Variants in TOX observed in about 807,000 individuals in gnomAD.
The protein encoded by TOX is thymocyte selection-associated high mobility group box protein TOX.
TOX carries 11 observed loss-of-function variants against 53.7 expected under a neutral mutation model. The observed-to-expected ratio is 0.20, with a 90% CI of 0.13 to 0.34. The LOEUF (loss-of-function observed/expected upper bound fraction) is 0.34, where lower values mean the gene tolerates loss of function less well. Among genes scored for constraint, TOX ranks in the 10% least tolerant of loss-of-function variants. The pLI, the probability that TOX is intolerant of heterozygous loss-of-function variation, is 1.00. For synonymous variants in TOX, 225 were observed against 245.3 expected, an observed-to-expected ratio of 0.92 and a Z score of 0.77; for missense variants, 570 against 664.6, an observed-to-expected ratio of 0.86 and a Z score of 1.56.
At chr8:58,911,953 C>T (rs770399558) in intron 3 of TOX, among the ~76,000 whole-genome samples, 2 of 152,166 alleles carry the variant, frequency 1.3e-5, no homozygotes, top group Non-Finnish European at 2.9e-5. Flanking sequence ...CTGCCTACCT[C>T]GGCCTCCCAA....
At chr8:58,973,759 C>G (rs924731628) in intron 1 of TOX, among the ~76,000 whole-genome samples, 1 of 151,720 alleles carries the variant, frequency 6.6e-6, no homozygotes, top group Non-Finnish European at 1.5e-5. Context: ...CTAATTATCA[C>G]GAGGGATACA....
intron 3 of TOX, among the ~76,000 whole-genome samples, chr8:58,886,292 T>C (rs941534797): frequency 6.6e-6 from 1 of 152,146 alleles, no homozygotes; most frequent in African/African-American, 2.4e-5. Context: ...TAAGGAAAGC[T>C]ACAATAGACA....
rs761879001 is a variant in TOX at position 59,119,029 on chromosome 8, T to A, written c.-42A>T. The A allele has an allele frequency of 1.0e-4, 147 of 1,431,804 alleles. No individual in the cohort carries two copies. Among genetic ancestry groups the A allele is most frequent in the Middle Eastern group, 3.5e-4 (2 of 5,718 alleles). The allele number at this position is 1,431,804 out of a possible 1,614,324, so 88.7% of individuals were successfully genotyped here. A position where few individuals can be genotyped will look rare whatever the true frequency, so the allele number is the denominator to read the frequency against. On this transcript the variant is annotated 5_prime_UTR_variant, in exon 1 of 9. Coordinates refer to ENST00000361421, the MANE Select transcript of TOX (RefSeq NM_014729.3). ...GCAACTCCTTTTCTTTTTCCTTTTT[T>A]AAAAAAAAGTGTTCAGCAAAACAAG...
intron 7 of TOX, 54 bp from the exon 8 acceptor site, chr8:58,808,323 A>T: frequency 1.3e-6 from 2 of 1,560,666 alleles, no homozygotes; most frequent in South Asian, 2.4e-5. Flanking sequence ...TTAAGAAGAA[A>T]AGCACCTAAA....
rs530305201 is a variant in TOX, at chr8:59,035,618, A to G, written c.103-75610T>C. Among the ~76,000 whole-genome samples the G allele has an allele frequency of 1.1e-4, 17 of 152,372 alleles. 1 individual carries two copies. In the South Asian group the frequency reaches 3.5e-3, roughly 32 times the overall value. The stretch of plus-strand genomic sequence containing the variant: ...ATCTAATCTCTCAGAGCCTATAAAT[A>G]ACCACTCAATTTTTTTTATCAGTTA... On this transcript the variant is annotated intron_variant, in intron 1 of 8. Coordinates refer to ENST00000361421, the MANE Select transcript of TOX (RefSeq NM_014729.3).
At chr8:59,036,569 A>T (rs185220619) in intron 1 of TOX, among the ~76,000 whole-genome samples, 3 of 152,326 alleles carry the variant, frequency 2.0e-5, no homozygotes, top group Admixed American at 2.0e-4. Context: ...CCTCTACCCA[A>T]CAGTTAATCT....
At chr8:59,025,732 TC>T (rs1179331675) in intron 1 of TOX, among the ~76,000 whole-genome samples, 5 of 152,076 alleles carry the variant, frequency 3.3e-5, no homozygotes, top group Non-Finnish European at 5.9e-5. Flanking sequence ...AGCTCCTGTT[TC>T]CCCAGGCAGA....
chr8:58,882,121 A>G (rs1811393893), intron 3 of TOX, among the ~76,000 whole-genome samples: 1 of 152,234 alleles, frequency 6.6e-6, no homozygotes, highest in Non-Finnish European at 1.5e-5. Flanking sequence ...ACTGCAGTGC[A>G]TGTCTGGTGA....
At chr8:58,961,616 C>T (rs989167862) in intron 1 of TOX, among the ~76,000 whole-genome samples, 35 of 152,088 alleles carry the variant, frequency 2.3e-4, no homozygotes, top group Admixed American at 1.3e-3. Context: ...CAATCTCCGC[C>T]TCCCAGGTTC....
chr8:58,882,066 T>G (rs1160113241), intron 3 of TOX, among the ~76,000 whole-genome samples: 1 of 152,214 alleles, frequency 6.6e-6, no homozygotes, highest in Non-Finnish European at 1.5e-5. Context: ...ATTGTGCAAT[T>G]GTGACTAAAA....
chr8:58,848,314 G>GA (rs963278146), intron 4 of TOX, among the ~76,000 whole-genome samples: 4 of 150,914 alleles, frequency 2.7e-5, no homozygotes, highest in African/African-American at 9.7e-5. Context: ...AGAAGATGAG[G>GA]AAAAAAAAGA....
chr8:58,838,078 T>C lies in TOX; in HGVS notation c.924+3A>G, dbSNP rs780616043. The C allele has an allele frequency of 2.1e-5, 34 of 1,613,466 alleles. No homozygotes were observed. Among genetic ancestry groups the C allele is most frequent in the Admixed American group, 6.7e-5 (4 of 59,996 alleles). ...GATTCCCATTCCACTGGGAATCCCT[T>C]ACCTGTTTTTGCTCTTCTCCTAAAC... On this transcript the variant is annotated splice_donor_region_variant and intron_variant, in intron 5 of 8. Transcript: ENST00000361421.
intron 1 of TOX, among the ~76,000 whole-genome samples, chr8:59,083,794 C>T (rs1804457544): frequency 6.6e-6 from 1 of 152,134 alleles, no homozygotes; most frequent in East Asian, 1.9e-4. Context: ...AACCAAGAGG[C>T]TAAAATGCTG....
At chr8:58,945,333 C>T (rs1002972781) in intron 2 of TOX, among the ~76,000 whole-genome samples, 1 of 152,200 alleles carries the variant, frequency 6.6e-6, no homozygotes, top group African/African-American at 2.4e-5. Flanking sequence ...ATTAGAGGCT[C>T]ACTTTTGAGA....
chr8:59,065,636 G>T (rs1350045050), intron 1 of TOX, among the ~76,000 whole-genome samples: 2 of 152,082 alleles, frequency 1.3e-5, no homozygotes, highest in Non-Finnish European at 2.9e-5. Flanking sequence ...CTCCTTAGAA[G>T]AACTCTTCTG....
intron 1 of TOX, among the ~76,000 whole-genome samples, chr8:59,024,007 A>G (rs1301987930): frequency 1.3e-5 from 2 of 152,232 alleles, no homozygotes; most frequent in African/African-American, 4.8e-5. Flanking sequence ...CTTAAGCTCA[A>G]TAAAGGTAAT....
At chr8:58,867,347 A>G (rs980889993) in intron 3 of TOX, among the ~76,000 whole-genome samples, 1 of 152,206 alleles carries the variant, frequency 6.6e-6, no homozygotes, top group African/African-American at 2.4e-5. Context: ...TTCAGCCCCA[A>G]ACGCTCATTG....
chr8:59,004,113 G>A (rs2129418302), intron 1 of TOX, among the ~76,000 whole-genome samples: 1 of 152,274 alleles, frequency 6.6e-6, no homozygotes, highest in Admixed American at 6.5e-5. Flanking sequence ...TGTGACATCT[G>A]CTCTTACAAA....
At chr8:59,084,931 A>G (rs147467130) in intron 1 of TOX, among the ~76,000 whole-genome samples, 300 of 152,368 alleles carry the variant, frequency 2.0e-3, no homozygotes, top group African/African-American at 6.6e-3. Flanking sequence ...AATGCCAAGT[A>G]TAAATGAAAT....
Sources: gnomAD v4.1 joint callset for allele counts (sites outside exome capture counted in the v4.1 genomes callset) on GRCh38, gnomAD v4.1.1 for gene constraint, MANE v1.5 for transcripts, NCBI Gene and HGNC (gene_info 2026-07-23, HGNC 2026-07-21) for gene names.